The following ZNF536 variants were observed in gnomAD, a reference collection of about 807,000 sequenced individuals.
The protein encoded by ZNF536 is zinc finger protein 536.
A neutral mutation model predicts 84.5 loss-of-function variants in ZNF536; 13 were observed. That is an observed-to-expected ratio of 0.15 (90% CI 0.10 to 0.24). ZNF536 has a LOEUF of 0.24. Ranked by LOEUF, ZNF536 falls within the 10% of genes least tolerant of loss-of-function variation. The pLI is 1.00. For synonymous variants in ZNF536, 811 were observed against 742.5 expected (o/e 1.09, Z -1.50); for missense variants, 1,536 against 1,747.5 (o/e 0.88, Z 2.16).
chr19:30,498,301 A>G (rs559735981), intron 2 of ZNF536, among the ~76,000 whole-genome samples: 37 of 152,298 alleles, frequency 2.4e-4, no homozygotes, highest in Admixed American at 1.0e-3. Context: ...ACATGGATGG[A>G]GCTGGAAGCC....
rs1193212715 is a variant in ZNF536, at chr19:30,479,623, C to T, written c.2170+33891C>T. On this transcript the variant is annotated intron_variant, in intron 2 of 4. Transcript: ENST00000355537. ...TTCATTCAGGGGCCCTCACGCACAC[C>T]CCACTTCCCCAGCACTGGCCACCTG... Among the ~76,000 whole-genome samples the T allele has an allele frequency of 3.3e-5, 5 of 152,194 alleles. No individual in the cohort carries two copies. The East Asian group carries it at 9.7e-4, about 29-fold the overall frequency.
chr19:30,594,709 G>T (rs2047395783), intron 1 of ZNF536, among the ~76,000 whole-genome samples: 1 of 151,956 alleles, frequency 6.6e-6, no homozygotes, highest in South Asian at 2.1e-4. Context: ...CAGCTAGCCG[G>T]CCTGTGCTGC....
At chr19:30,345,793 G>C (rs573701763) in intron 2 of ZNF536, among the ~76,000 whole-genome samples, 8 of 152,332 alleles carry the variant, frequency 5.3e-5, no homozygotes, top group African/African-American at 1.9e-4. Flanking sequence ...TCTTCATCCA[G>C]TGTCATCCCG....
intron 1 of ZNF536, among the ~76,000 whole-genome samples, chr19:30,402,822 T>TATATAA (rs1331644147): frequency 7.0e-6 from 1 of 142,558 alleles, no homozygotes. Context: ...TATATATATA[T>TATATAA]AATTTTCAAA....
chr19:30,544,388 G>A (rs145429338), intron 3 of ZNF536, among the ~76,000 whole-genome samples: 410 of 152,280 alleles, frequency 2.7e-3, no homozygotes, highest in African/African-American at 9.2e-3. Flanking sequence ...CTGGGCCCGT[G>A]GAGACTCCAA....
chr19:30,618,096 T>C (rs996025436), intron 1 of ZNF536, among the ~76,000 whole-genome samples: 1 of 152,236 alleles, frequency 6.6e-6, no homozygotes, highest in Admixed American at 6.5e-5. Flanking sequence ...AAAGTCTCAC[T>C]ATTTTGTTTT....
At chr19:30,676,699 A>G (rs2050764982) in intron 1 of ZNF536, among the ~76,000 whole-genome samples, 1 of 152,232 alleles carries the variant, frequency 6.6e-6, no homozygotes, top group South Asian at 2.1e-4. Context: ...TTTTGCTTCA[A>G]TAATGGAGCC....
chr19:30,316,886 C>A (rs1440272437), intron 2 of ZNF536, among the ~76,000 whole-genome samples: 3 of 152,200 alleles, frequency 2.0e-5, no homozygotes, highest in Non-Finnish European at 4.4e-5. Context: ...ACCCGCCCTG[C>A]CGTGGCATGT....
At chr19:30,480,005 G>T (rs1194806755) in intron 2 of ZNF536, among the ~76,000 whole-genome samples, 1 of 152,196 alleles carries the variant, frequency 6.6e-6, no homozygotes, top group African/African-American at 2.4e-5. Context: ...TTCTAGGCTT[G>T]CCTCAACTTT....
At chr19:30,622,447 C>T (rs1238306781) in intron 1 of ZNF536, among the ~76,000 whole-genome samples, 1 of 152,236 alleles carries the variant, frequency 6.6e-6, no homozygotes, top group African/African-American at 2.4e-5. Flanking sequence ...ATGGCAGGGC[C>T]TCATGCCCAC....
intron 1 of ZNF536, among the ~76,000 whole-genome samples, chr19:30,643,110 A>G (rs985709847): frequency 2.6e-5 from 4 of 152,358 alleles, no homozygotes; most frequent in South Asian, 4.1e-4. Context: ...TTCACCAGGT[A>G]GCATCCTTTC....
intron 1 of ZNF536, among the ~76,000 whole-genome samples, chr19:30,643,854 C>A (rs1313488107): frequency 6.6e-6 from 1 of 152,034 alleles, no homozygotes; most frequent in African/African-American, 2.4e-5. Flanking sequence ...TGAGTGAACT[C>A]CAGGGTATTA....
chr19:30,287,182 G>A (rs1027824037), intron 2 of ZNF536, among the ~76,000 whole-genome samples: 1 of 141,774 alleles, frequency 7.1e-6, no homozygotes, highest in Non-Finnish European at 1.5e-5. Context: ...TTGGTGACTA[G>A]ATGGATGGAT....
At chr19:30,273,058 A>G (rs1237894201) in intron 1 of ZNF536, among the ~76,000 whole-genome samples, 1 of 152,120 alleles carries the variant, frequency 6.6e-6, no homozygotes, top group Non-Finnish European at 1.5e-5. Context: ...ATGCACCACC[A>G]CACCTGGCTA....
intron 2 of ZNF536, among the ~76,000 whole-genome samples, chr19:30,490,636 T>C (rs1008540002): frequency 1.5e-4 from 23 of 152,134 alleles, no homozygotes; most frequent in Admixed American, 6.6e-4. Context: ...ACTCTTCCTG[T>C]AAGCAGAAAT....
intron 2 of ZNF536, among the ~76,000 whole-genome samples, chr19:30,297,303 C>A (rs2046028933): frequency 6.6e-6 from 1 of 152,142 alleles, no homozygotes; most frequent in South Asian, 2.1e-4. Flanking sequence ...ACCATATAAT[C>A]CCTTCGTATG....
At chr19:30,690,413 G>A (rs1364169296) in intron 1 of ZNF536, among the ~76,000 whole-genome samples, 2 of 152,220 alleles carry the variant, frequency 1.3e-5, no homozygotes, top group Admixed American at 6.5e-5. Context: ...AGTTTGGTAA[G>A]GAAGCCTCAT....
chr19:30,549,175 G>C lies in ZNF536; in HGVS notation c.3556G>C (p.Glu1186Gln), dbSNP rs543048949. Residue 1186 changes from glutamate (E) to glutamine (Q), a missense_variant, in exon 4 of 5, where the codon GAA (glutamate) becomes CAA (glutamine). Physicochemically the swap from Glu to Gln is conservative, Grantham distance 29. This residue lies in a region of ZNF536 where 624 missense variants were observed against 603.1 expected (regional missense o/e 1.03). Coordinates refer to ENST00000355537, the MANE Select transcript of ZNF536 (RefSeq NM_014717.3). The part of the protein sequence containing the change: ...ENNDEEDVET[E>Q]PEMMTKPLSA... ...CAACGATGAAGAGGATGTTGAAACC[G>C]AACCGGAAATGATGACCAAGCCACT... is the stretch of plus-strand genomic sequence containing the variant. 6.2e-7 allele frequency: 1 copy of C among 1,613,828 alleles called. No homozygotes were observed. Among genetic ancestry groups the C allele is most frequent in the African/African-American group, 1.3e-5 (1 of 74,944 alleles).
intron 1 of ZNF536, among the ~76,000 whole-genome samples, chr19:30,283,507 C>T (rs370747093): frequency 3.2e-4 from 49 of 152,302 alleles, no homozygotes; most frequent in Middle Eastern, 3.4e-3. Flanking sequence ...GGTCTGGGTT[C>T]GGGAGAGAGG....
Sources: gnomAD v4.1 joint callset for allele counts (sites outside exome capture counted in the v4.1 genomes callset) on GRCh38, gnomAD v4.1.1 for gene constraint, gnomAD v4.1.1 regional missense constraint, MANE v1.5 for transcripts, NCBI Gene and HGNC (gene_info 2026-07-23, HGNC 2026-07-21) for gene names.